The following ATG5 variants were observed in gnomAD, a reference collection of about 807,000 sequenced individuals.
ATG5 encodes autophagy protein 5.
In ATG5, 14 loss-of-function variants were observed where a neutral mutation model predicts 36.5. The observed-to-expected ratio is 0.38, with a 90% CI of 0.25 to 0.60. The LOEUF (loss-of-function observed/expected upper bound fraction) is 0.60. ATG5 is among the 20% of genes least tolerant of loss of function. ATG5 has a pLI of 0.60. For missense variants in ATG5, 195 were observed against 326.7 expected (o/e 0.60, Z 3.11); for synonymous variants, 95 against 101.5 (o/e 0.94, Z 0.38).
chr6:106,217,230 G>C (rs1286389648), intron 6 of ATG5, among the ~76,000 whole-genome samples: 2 of 151,906 alleles, frequency 1.3e-5, no homozygotes, highest in African/African-American at 4.8e-5. Context: ...ATAGCATCAT[G>C]GTGATTTTAA....
At chr6:106,235,343 T>C (rs534087817) in intron 6 of ATG5, among the ~76,000 whole-genome samples, 1 of 152,272 alleles carries the variant, frequency 6.6e-6, no homozygotes, top group Non-Finnish European at 1.5e-5. Context: ...ATGCTCCAAT[T>C]GTAATGATAT....
At chr6:106,216,192 T>A (rs1777033870) in intron 6 of ATG5, among the ~76,000 whole-genome samples, 1 of 152,180 alleles carries the variant, frequency 6.6e-6, no homozygotes, top group Non-Finnish European at 1.5e-5. Context: ...AGTCTGACAA[T>A]ACCCCAAAGG....
chr6:106,223,591 A>G (rs1582571024), intron 6 of ATG5, among the ~76,000 whole-genome samples: 1 of 152,204 alleles, frequency 6.6e-6, no homozygotes. Flanking sequence ...TTACATTAAC[A>G]ATATTAATGC....
chr6:106,240,019 G>T (rs983179949), intron 6 of ATG5, among the ~76,000 whole-genome samples: 2 of 151,842 alleles, frequency 1.3e-5, no homozygotes, highest in Non-Finnish European at 2.9e-5. Flanking sequence ...TTGAGACGGG[G>T]TCTTGCTCTG....
intron 5 of ATG5, among the ~76,000 whole-genome samples, chr6:106,253,284 G>A (rs2114529298): frequency 6.6e-6 from 1 of 152,306 alleles, no homozygotes; most frequent in East Asian, 1.9e-4. Flanking sequence ...CATGAACACA[G>A]AAGTAGGTGG....
At chr6:106,214,862 T>C (rs937940742) in intron 6 of ATG5, among the ~76,000 whole-genome samples, 9 of 152,152 alleles carry the variant, frequency 5.9e-5, no homozygotes, top group African/African-American at 1.4e-4. Context: ...AACTTATCAG[T>C]AGACTAGCCA....
chr6:106,246,392 TCA>T (rs72252671), intron 6 of ATG5, among the ~76,000 whole-genome samples: 40,766 of 128,902 alleles, frequency 0.32, 6,288 homozygotes, highest in South Asian at 0.47. Flanking sequence ...TCTCTCTCTC[TCA>T]CACACACACA....
chr6:106,297,755 CACACACACACAT>C (rs756458684), intron 3 of ATG5, among the ~76,000 whole-genome samples: 8,395 of 130,400 alleles, frequency 0.064, 430 homozygotes, highest in Admixed American at 0.2. Flanking sequence ...CACACACACA[CACACACACACAT>C]ATATATTTTA....
chr6:106,189,944 T>C (rs1033688037), intron 7 of ATG5, among the ~76,000 whole-genome samples: 1 of 152,116 alleles, frequency 6.6e-6, no homozygotes. Flanking sequence ...TATAGGGCAC[T>C]TTTTAGAGAG....
intron 6 of ATG5, among the ~76,000 whole-genome samples, chr6:106,208,522 AG>A (rs778445887): frequency 2.0e-5 from 3 of 152,204 alleles, no homozygotes; most frequent in Non-Finnish European, 4.4e-5. Flanking sequence ...CATGAAATTC[AG>A]AAGTTTACGT....
At chr6:106,313,787 T>C (rs1029328368) in intron 2 of ATG5, among the ~76,000 whole-genome samples, 1 of 152,226 alleles carries the variant, frequency 6.6e-6, no homozygotes, top group African/African-American at 2.4e-5. Context: ...TACAGCTATA[T>C]TGGCACTAAA....
rs373168444 is a variant in ATG5, at chr6:106,301,435, G to A, written c.236+6929C>T. 5.3e-5 allele frequency among the ~76,000 whole-genome samples: 8 copies of A among 151,866 alleles called. No homozygotes were observed. In the East Asian group the frequency reaches 1.2e-3, roughly 22 times the overall value. The stretch of plus-strand genomic sequence containing the variant: ...TTTTAAACAAAATGTTAGCAGGTGT[G>A]GTAAAAAGAGCCCTGAACTGATACT... On this transcript the variant is annotated intron_variant, in intron 3 of 7. Transcript: ENST00000369076.
chr6:106,231,257 C>T (rs1180127121), intron 6 of ATG5, among the ~76,000 whole-genome samples: 1 of 152,190 alleles, frequency 6.6e-6, no homozygotes, highest in Admixed American at 6.5e-5. Flanking sequence ...TTAGGACAAT[C>T]CTTTGATCTG....
intron 6 of ATG5, among the ~76,000 whole-genome samples, chr6:106,228,283 C>T (rs1194469104): frequency 2.6e-5 from 4 of 152,186 alleles, no homozygotes; most frequent in African/African-American, 9.7e-5. Flanking sequence ...GCCGCCATCG[C>T]AGGCCTGCCA....
At chr6:106,323,113 A>C (rs2763220) in intron 1 of ATG5, among the ~76,000 whole-genome samples, 149,725 of 151,880 alleles carry the variant, frequency 0.99, 73,802 homozygotes, top group African/African-American at 0.99. Context: ...GTTTTTTTGT[A>C]TTTTTAGTAG....
intron 4 of ATG5, among the ~76,000 whole-genome samples, chr6:106,286,784 A>G (rs930015325): frequency 2.0e-5 from 3 of 152,346 alleles, no homozygotes; most frequent in South Asian, 2.1e-4. Context: ...TAGGTGGTCA[A>G]TGCAGCTTAT....
intron 3 of ATG5, among the ~76,000 whole-genome samples, chr6:106,295,282 A>G (rs1392083806): frequency 2.0e-5 from 3 of 152,218 alleles, no homozygotes; most frequent in African/African-American, 7.2e-5. Flanking sequence ...GCACTTAATT[A>G]AAGTTTTATT....
chr6:106,191,695 C>T (rs1046918917), intron 7 of ATG5, among the ~76,000 whole-genome samples: 2 of 152,046 alleles, frequency 1.3e-5, no homozygotes, highest in Non-Finnish European at 2.9e-5. Context: ...TGACTCTTCT[C>T]CACCCCTCTC....
intron 5 of ATG5, among the ~76,000 whole-genome samples, chr6:106,261,088 C>T (rs1236330106): frequency 6.6e-6 from 1 of 152,042 alleles, no homozygotes; most frequent in Non-Finnish European, 1.5e-5. Flanking sequence ...AGAGACTAGG[C>T]AAGTTTAAAT....
Sources: gnomAD v4.1 joint callset for allele counts (sites outside exome capture counted in the v4.1 genomes callset) on GRCh38, gnomAD v4.1.1 for gene constraint, MANE v1.5 for transcripts, NCBI Gene and HGNC (gene_info 2026-07-23, HGNC 2026-07-21) for gene names.